The following DNAJC1 variants were observed in gnomAD, a reference collection of about 807,000 sequenced individuals.
The protein encoded by DNAJC1 is DnaJ heat shock protein family (Hsp40) member C1.
In DNAJC1, 58 loss-of-function variants were observed where a neutral mutation model predicts 76.6. The observed-to-expected ratio is 0.76, with a 90% CI of 0.61 to 0.94. The LOEUF is 0.94. DNAJC1 is among the 40% of genes least tolerant of loss of function. The pLI is 0.00. For missense variants in DNAJC1, 689 were observed against 677.3 expected, an observed-to-expected ratio of 1.02 and a Z score of -0.19; for synonymous variants, 258 against 267.9, an observed-to-expected ratio of 0.96 and a Z score of 0.36.
At chr10:21,758,345 A>C (rs1461212160) in intron 11 of DNAJC1, among the ~76,000 whole-genome samples, 1 of 152,236 alleles carries the variant, frequency 6.6e-6, no homozygotes, top group South Asian at 2.1e-4. Context: ...CAGGGAAAGA[A>C]GCCTCAAGAG....
rs939028182 is a variant in DNAJC1, at chr10:21,918,246, T to C, written c.729+533A>G. 5.3e-5 allele frequency among the ~76,000 whole-genome samples: 8 copies of C among 151,884 alleles called. No homozygotes were observed. The East Asian group carries it at 9.6e-4, about 18-fold the overall frequency. On this transcript the variant is annotated intron_variant, in intron 6 of 11. Coordinates refer to ENST00000376980, the MANE Select transcript of DNAJC1 (RefSeq NM_022365.4). ...TGATACATATCCACATTTTATTATT[T>C]AATCAAGACTAAATAGAAACAGAAA...
At chr10:21,868,071 G>T (rs1836035904) in intron 8 of DNAJC1, among the ~76,000 whole-genome samples, 1 of 15,784 alleles carries the variant, frequency 6.3e-5, no homozygotes, top group Admixed American at 5.8e-4. Context: ...GCAAGATTCT[G>T]TCTCCAAAAA....
rs1041631778 is a variant in DNAJC1, at chr10:21,829,770, T to C, written c.979-23671A>G. The stretch of plus-strand genomic sequence containing the variant: ...ATATTTGTTATTTAACTGGTAATTA[T>C]AGCCTATTTTCATTTATTGTGATTG... On this transcript the variant is annotated intron_variant, in intron 8 of 11. Transcript: ENST00000376980. Among the ~76,000 whole-genome samples the C allele has an allele frequency of 3.9e-5, 6 of 152,380 alleles. No individual in the cohort carries two copies. In the East Asian group the frequency reaches 5.8e-4, roughly 15 times the overall value.
chr10:21,941,095 C>CAAAAAAAAAAAAA (rs1208799870), intron 1 of DNAJC1, among the ~76,000 whole-genome samples: 2 of 39,156 alleles, frequency 5.1e-5, no homozygotes, highest in South Asian at 9.8e-4. Flanking sequence ...ACTAAAAATA[C>CAAAAAAAAAAAAA]AAAAAAAAAA....
intron 5 of DNAJC1, 145 bp downstream of exon 5, chr10:21,919,687 A>G: frequency 1.9e-6 from 1 of 526,036 alleles, no homozygotes; most frequent in Non-Finnish European, 3.2e-6. Context: ...TGTCTCATAA[A>G]CAATGGCACA....
At chr10:21,759,942 A>T (rs138452111) in intron 10 of DNAJC1, among the ~76,000 whole-genome samples, 1 of 152,330 alleles carries the variant, frequency 6.6e-6, no homozygotes, top group African/African-American at 2.4e-5. Context: ...CATCTCTTTG[A>T]GAGGGAATAA....
chr10:21,916,789 T>C (rs1836963430), intron 6 of DNAJC1, among the ~76,000 whole-genome samples: 1 of 152,190 alleles, frequency 6.6e-6, no homozygotes, highest in Non-Finnish European at 1.5e-5. Flanking sequence ...AGTATTGTTT[T>C]GCTAATGTAT....
At chr10:21,909,178 G>A (rs1337003648) in intron 6 of DNAJC1, among the ~76,000 whole-genome samples, 3 of 152,106 alleles carry the variant, frequency 2.0e-5, no homozygotes, top group Non-Finnish European at 2.9e-5. Context: ...GTAAGCCACC[G>A]CCCCTGGCCA....
intron 7 of DNAJC1, among the ~76,000 whole-genome samples, chr10:21,899,733 A>G (rs530226150): frequency 1.3e-5 from 2 of 152,332 alleles, no homozygotes; most frequent in African/African-American, 2.4e-5. Context: ...TACTTGAACA[A>G]GCAGTCCGGC....
intron 7 of DNAJC1, among the ~76,000 whole-genome samples, chr10:21,886,677 A>G (rs1836370291): frequency 6.6e-6 from 1 of 152,226 alleles, no homozygotes; most frequent in South Asian, 2.1e-4. Flanking sequence ...ACATAAGCAA[A>G]TTAATAAATG....
chr10:21,861,842 A>T (rs932133763), intron 8 of DNAJC1, among the ~76,000 whole-genome samples: 6 of 152,182 alleles, frequency 3.9e-5, no homozygotes, highest in Non-Finnish European at 8.8e-5. Context: ...CATAAAAATG[A>T]GCAACCAGCA....
chr10:21,932,478 C>A (rs1490513954), intron 1 of DNAJC1, among the ~76,000 whole-genome samples: 1 of 152,104 alleles, frequency 6.6e-6, no homozygotes, highest in African/African-American at 2.4e-5. Context: ...AATAACCTGA[C>A]AAAAAAATGT....
intron 1 of DNAJC1, among the ~76,000 whole-genome samples, chr10:21,935,817 C>T (rs533849644): frequency 1.3e-5 from 2 of 151,330 alleles, no homozygotes; most frequent in African/African-American, 4.8e-5. Flanking sequence ...AGTAAATTAA[C>T]ATGAAAAAAA....
intron 8 of DNAJC1, among the ~76,000 whole-genome samples, chr10:21,862,664 G>A (rs1033917395): frequency 1.3e-5 from 2 of 151,818 alleles, no homozygotes; most frequent in Non-Finnish European, 1.5e-5. Context: ...CCTGATCTCA[G>A]GTGATCCAAC....
chr10:21,849,321 T>TAAAAAAAAAAAAAAAAAAAAAAAAAAAA (rs1283566162), intron 8 of DNAJC1, among the ~76,000 whole-genome samples: 1 of 63,348 alleles, frequency 1.6e-5, no homozygotes. Context: ...AAAAAAAAAG[T>TAAAAAAAAAAAAAAAAAAAAAAAAAAAA]AAATGCCTAC....
intron 11 of DNAJC1, among the ~76,000 whole-genome samples, chr10:21,756,970 G>C (rs1280033613): frequency 1.3e-5 from 2 of 152,238 alleles, no homozygotes; most frequent in Non-Finnish European, 1.5e-5. Context: ...AAGGGAAGGT[G>C]CTTGGCGTGG....
At chr10:21,778,449 T>C (rs971767434) in intron 9 of DNAJC1, among the ~76,000 whole-genome samples, 2 of 152,254 alleles carry the variant, frequency 1.3e-5, no homozygotes, top group African/African-American at 4.8e-5. Context: ...CAAAGATTTA[T>C]TAAGTATTGA....
chr10:21,869,381 T>C (rs1318905063), intron 8 of DNAJC1, among the ~76,000 whole-genome samples: 1 of 152,054 alleles, frequency 6.6e-6, no homozygotes, highest in East Asian at 1.9e-4. Context: ...AGCTTAATGC[T>C]TTCAATCAAT....
intron 11 of DNAJC1, 77 bp from the exon 12 acceptor site, chr10:21,756,832 G>T: frequency 7.2e-7 from 1 of 1,390,808 alleles, no homozygotes; most frequent in Non-Finnish European, 1.0e-6. Flanking sequence ...CGGTCTGCTG[G>T]CTTCTGCTCA....
Sources: gnomAD v4.1 joint callset for allele counts (sites outside exome capture counted in the v4.1 genomes callset) on GRCh38, gnomAD v4.1.1 for gene constraint, MANE v1.5 for transcripts, NCBI Gene and HGNC (gene_info 2026-07-23, HGNC 2026-07-21) for gene names.